The following SORCS3 variants were observed in gnomAD, a reference collection of about 807,000 sequenced individuals.
The protein encoded by SORCS3 is sortilin related VPS10 domain containing receptor 3, also known as VPS10 domain-containing receptor SorCS3.
Under a neutral mutation model 146.3 loss-of-function variants are expected in SORCS3, and 57 were observed. That is an observed-to-expected ratio of 0.39 (90% CI 0.31 to 0.49). The LOEUF (loss-of-function observed/expected upper bound fraction) is 0.49, where lower values mean the gene tolerates loss of function less well. Among genes scored for constraint, SORCS3 ranks in the 20% least tolerant of loss-of-function variants. SORCS3 has a pLI of 0.92. For synonymous variants in SORCS3, 653 were observed against 618.5 expected (o/e 1.06, Z -0.83); for missense variants, 1,341 against 1,575.5 (o/e 0.85, Z 2.52).
chr10:104,735,719 C>T (rs2016763607), intron 1 of SORCS3, among the ~76,000 whole-genome samples: 2 of 151,976 alleles, frequency 1.3e-5, no homozygotes, highest in African/African-American at 2.4e-5. Flanking sequence ...CAATTGAAGT[C>T]GGCTTTGGGG....
intron 14 of SORCS3, among the ~76,000 whole-genome samples, chr10:105,180,839 G>A (rs1273458296): frequency 6.6e-6 from 1 of 152,150 alleles, no homozygotes; most frequent in Admixed American, 6.5e-5. Flanking sequence ...TCTGATCTCA[G>A]TTTAAATATC....
At chr10:105,245,746 G>A (rs2056862321) in intron 21 of SORCS3, 81 bp downstream of exon 21, 2 of 1,505,884 alleles carry the variant, frequency 1.3e-6, no homozygotes, top group African/African-American at 1.4e-5. Flanking sequence ...ATCATTGAGT[G>A]TGGTGGAAAT....
At chr10:104,893,626 G>A (rs1402439755) in intron 2 of SORCS3, among the ~76,000 whole-genome samples, 2 of 152,198 alleles carry the variant, frequency 1.3e-5, no homozygotes, top group East Asian at 1.9e-4. Context: ...CCTGGTGCGA[G>A]ACCTTTAACT....
intron 5 of SORCS3, among the ~76,000 whole-genome samples, chr10:105,079,256 C>CTGCTCCAGACCTACT (rs2055608166): frequency 6.6e-6 from 1 of 152,184 alleles, no homozygotes; most frequent in Non-Finnish European, 1.5e-5. Context: ...AGACCAATTA[C>CTGCTCCAGACCTACT]TCCAGGATTT....
At chr10:105,182,450 G>A (rs978162662) in intron 14 of SORCS3, among the ~76,000 whole-genome samples, 1 of 151,802 alleles carries the variant, frequency 6.6e-6, no homozygotes, top group African/African-American at 2.4e-5. Context: ...TTTAAAGGAA[G>A]GTACTATAAT....
At chr10:105,039,748 C>A (rs972036461) in intron 4 of SORCS3, among the ~76,000 whole-genome samples, 1 of 152,076 alleles carries the variant, frequency 6.6e-6, no homozygotes, top group Non-Finnish European at 1.5e-5. Flanking sequence ...AGCCACTGCA[C>A]CCAGGTTCTC....
intron 7 of SORCS3, among the ~76,000 whole-genome samples, chr10:105,125,709 A>ACACACACACACACC (rs1554879547): frequency 6.6e-6 from 1 of 151,738 alleles, no homozygotes; most frequent in South Asian, 2.1e-4. Flanking sequence ...ACACACACAC[A>ACACACACACACACC]AAACAGGCAG....
chr10:105,114,972 T>C lies in SORCS3; in HGVS notation c.1212+9457T>C, dbSNP rs573462522. 2.6e-5 allele frequency among the ~76,000 whole-genome samples: 4 copies of C among 152,226 alleles called. No individual in the cohort carries two copies. In the South Asian group the frequency reaches 8.3e-4, roughly 32 times the overall value. On this transcript the variant is annotated intron_variant, in intron 7 of 26. Transcript: ENST00000369701. ...GAAAAATAGTACTGTTATAAAGTGT[T>C]GGGAGATGTTCCAGAAGTACTAGCA...
At chr10:105,221,422 G>A (rs1313134715) in intron 19 of SORCS3, among the ~76,000 whole-genome samples, 1 of 152,172 alleles carries the variant, frequency 6.6e-6, no homozygotes, top group Non-Finnish European at 1.5e-5. Context: ...TAGAAATCAT[G>A]ACATTCTTTC....
intron 1 of SORCS3, among the ~76,000 whole-genome samples, chr10:104,768,602 T>C (rs2017209900): frequency 6.6e-6 from 1 of 152,214 alleles, no homozygotes; most frequent in East Asian, 1.9e-4. Context: ...GCACCTGTAA[T>C]AAGTCACCAG....
At chr10:104,801,791 A>G (rs1420701784) in intron 1 of SORCS3, among the ~76,000 whole-genome samples, 1 of 152,242 alleles carries the variant, frequency 6.6e-6, no homozygotes, top group Non-Finnish European at 1.5e-5. Context: ...CAGATACGTA[A>G]ACTCTTACAG....
At position 105,147,759 on chromosome 10, in the gene SORCS3, G is replaced by T. The variant is rs186426220; in HGVS notation, c.1445G>T (p.Arg482Ile). 6.2e-7 allele frequency: 1 copy of T among 1,612,994 alleles called. No individual in the cohort carries two copies. The highest frequency in any genetic ancestry group is 1.7e-5 in the Admixed American group (1 of 59,934). Residue 482 changes from arginine (R) to isoleucine (I), a missense_variant, in exon 9 of 27, where the codon AGA becomes ATA. Arg to Ile is a moderately conservative substitution (Grantham distance 97, BLOSUM62 -3). Transcript: ENST00000369701. ...TLAMENIKSS[R>I]GLMGNIIIEL... ...GCCATGGAGAACATCAAGAGCAGCA[G>T]AGGTCTAATGGGGAACATCATTATT...
intron 20 of SORCS3, among the ~76,000 whole-genome samples, chr10:105,242,732 ATATT>A (rs1413503261): frequency 9.5e-6 from 1 of 104,916 alleles, no homozygotes; most frequent in Non-Finnish European, 1.7e-5. Flanking sequence ...ACATTTATAT[ATATT>A]TATATATTTA....
At chr10:104,951,087 A>C (rs2019424224) in intron 3 of SORCS3, among the ~76,000 whole-genome samples, 1 of 152,106 alleles carries the variant, frequency 6.6e-6, no homozygotes, top group Non-Finnish European at 1.5e-5. Context: ...GGTTATTTTT[A>C]CTATTTATGG....
intron 5 of SORCS3, among the ~76,000 whole-genome samples, chr10:105,044,668 T>G (rs2055357350): frequency 6.6e-6 from 1 of 151,756 alleles, no homozygotes; most frequent in Non-Finnish European, 1.5e-5. Context: ...TGCCTAAGCA[T>G]TCTATGAAAA....
chr10:104,773,932 G>A (rs2017279932), intron 1 of SORCS3, among the ~76,000 whole-genome samples: 1 of 152,178 alleles, frequency 6.6e-6, no homozygotes, highest in African/African-American at 2.4e-5. Context: ...TGGAAAGGTA[G>A]ACTCTCCCAC....
At chr10:105,050,635 G>T (rs1184967324) in intron 5 of SORCS3, among the ~76,000 whole-genome samples, 1 of 152,098 alleles carries the variant, frequency 6.6e-6, no homozygotes, top group South Asian at 2.1e-4. Context: ...TCAGGCAGAG[G>T]CACCTAGCTG....
chr10:104,966,918 T>C (rs370486230), intron 3 of SORCS3, among the ~76,000 whole-genome samples: 9 of 152,092 alleles, frequency 5.9e-5, no homozygotes, highest in African/African-American at 2.2e-4. Flanking sequence ...CCAATATTAT[T>C]CAACATTCTC....
intron 16 of SORCS3, among the ~76,000 whole-genome samples, chr10:105,207,461 A>C (rs1369225131): frequency 6.6e-6 from 1 of 152,076 alleles, no homozygotes; most frequent in Non-Finnish European, 1.5e-5. Flanking sequence ...TTGAAGGAAA[A>C]TGTGTGTGTG....
Sources: allele counts gnomAD v4.1 joint callset (sites outside exome capture counted in the v4.1 genomes callset), GRCh38; gene constraint gnomAD v4.1.1; transcripts MANE v1.5; gene names NCBI Gene and HGNC (gene_info 2026-07-23, HGNC 2026-07-21).